Variants in SYT9 observed in about 807,000 individuals in gnomAD.
SYT9 encodes synaptotagmin 9.
Under a neutral mutation model 48.4 loss-of-function variants are expected in SYT9, and 22 were observed. That is an observed-to-expected ratio of 0.45 (90% CI 0.32 to 0.65). The LOEUF is 0.65. Among genes scored for constraint, SYT9 ranks in the 30% least tolerant of loss-of-function variants. SYT9 has a pLI of 0.03. For synonymous variants in SYT9, 265 were observed against 245.0 expected (o/e 1.08, Z -0.76); for missense variants, 577 against 622.0 (o/e 0.93, Z 0.77).
At chr11:7,410,266 G>A (rs1338149635) in intron 3 of SYT9, among the ~76,000 whole-genome samples, 1 of 152,106 alleles carries the variant, frequency 6.6e-6, no homozygotes, top group Non-Finnish European at 1.5e-5. Context: ...AACATATGCT[G>A]TATCCTGGAG....
chr11:7,384,582 G>A (rs993087299), intron 3 of SYT9, among the ~76,000 whole-genome samples: 3 of 152,166 alleles, frequency 2.0e-5, no homozygotes, highest in Admixed American at 6.6e-5. Flanking sequence ...AACAAGCCAT[G>A]TCACCTCTCA....
At chr11:7,347,698 C>T (rs146515837) in intron 3 of SYT9, among the ~76,000 whole-genome samples, 1,602 of 152,282 alleles carry the variant, frequency 0.011, 23 homozygotes, top group African/African-American at 0.036. Flanking sequence ...TGTTTCACAA[C>T]AGCCTTGGCC....
At chr11:7,349,568 C>G (rs1217832465) in intron 3 of SYT9, among the ~76,000 whole-genome samples, 1 of 152,152 alleles carries the variant, frequency 6.6e-6, no homozygotes, top group Non-Finnish European at 1.5e-5. Context: ...AGCAGAGACT[C>G]CATACAGCAA....
At chr11:7,316,401 T>C (rs1849244347) in intron 3 of SYT9, among the ~76,000 whole-genome samples, 1 of 152,188 alleles carries the variant, frequency 6.6e-6, no homozygotes. Flanking sequence ...TTTATTGCTC[T>C]TCTTTGACTA....
chr11:7,258,211 A>G (rs1848011300), intron 1 of SYT9, among the ~76,000 whole-genome samples: 1 of 152,202 alleles, frequency 6.6e-6, no homozygotes, highest in South Asian at 2.1e-4. Context: ...TTCACACTCC[A>G]AAGTGTATAG....
At chr11:7,433,250 C>T (rs990416547) in intron 6 of SYT9, among the ~76,000 whole-genome samples, 1 of 152,162 alleles carries the variant, frequency 6.6e-6, no homozygotes, top group African/African-American at 2.4e-5. Context: ...TCCTGTATAG[C>T]CTGCAGAACT....
rs1848285869 is a variant in SYT9 at position 7,270,985 on chromosome 11, A to G, written c.145+18654A>G. On this transcript the variant is annotated intron_variant, in intron 1 of 6. Coordinates refer to ENST00000318881, the MANE Select transcript of SYT9 (RefSeq NM_175733.4). ...AAGACTGCAAAGGGCTCTGCCTCTAAGAACTGTGCTTCTGCTTGGAGAGGG... is the reference window on the plus strand; with the variant it reads ...AAGACTGCAAAGGGCTCTGCCTCTAGGAACTGTGCTTCTGCTTGGAGAGGG... 2.0e-5 allele frequency among the ~76,000 whole-genome samples: 3 copies of G among 152,150 alleles called. No homozygotes were observed. In the South Asian group the frequency reaches 6.2e-4, roughly 32 times the overall value.
At chr11:7,323,334 A>G (rs941839063) in intron 3 of SYT9, among the ~76,000 whole-genome samples, 1 of 152,126 alleles carries the variant, frequency 6.6e-6, no homozygotes, top group African/African-American at 2.4e-5. Context: ...GCTATACACT[A>G]TAATTCTAAT....
intron 6 of SYT9, among the ~76,000 whole-genome samples, chr11:7,430,049 T>C (rs1047880401): frequency 3.3e-5 from 5 of 152,128 alleles, no homozygotes; most frequent in African/African-American, 1.2e-4. Flanking sequence ...TTCAATGTCT[T>C]ATGTGATGTA....
chr11:7,362,620 A>G (rs540948505), intron 3 of SYT9, among the ~76,000 whole-genome samples: 16 of 152,216 alleles, frequency 1.1e-4, no homozygotes, highest in Non-Finnish European at 2.1e-4. Flanking sequence ...AGGGTATGCC[A>G]TAGTTGCTTT....
chr11:7,289,446 A>G (rs59050506), intron 1 of SYT9, among the ~76,000 whole-genome samples: 3,177 of 152,330 alleles, frequency 0.021, 58 homozygotes, highest in East Asian at 0.092. Flanking sequence ...CCACTGAACT[A>G]TACTTTAAAA....
intron 1 of SYT9, among the ~76,000 whole-genome samples, chr11:7,298,253 C>A (rs2133929998): frequency 6.6e-6 from 1 of 152,200 alleles, no homozygotes; most frequent in African/African-American, 2.4e-5. Context: ...TGTTCCTTGA[C>A]TTTGCTTTCT....
intron 3 of SYT9, among the ~76,000 whole-genome samples, chr11:7,396,133 G>T (rs1426930911): frequency 6.6e-6 from 1 of 152,054 alleles, no homozygotes. Context: ...AAGCATATAA[G>T]TTTTGTCCCA....
At position 7,256,026 on chromosome 11, in the gene SYT9, T is replaced by G. The variant is rs893061536; in HGVS notation, c.145+3695T>G. On this transcript the variant is annotated intron_variant, in intron 1 of 6. Transcript: ENST00000318881. ...CCCATGGATCTTGATTATACTTTTTTTGGTCAAAAAGCATTAGTCTTATCT... is the reference window on the plus strand; with the variant it reads ...CCCATGGATCTTGATTATACTTTTTGTGGTCAAAAAGCATTAGTCTTATCT... Among the ~76,000 whole-genome samples the G allele has an allele frequency of 4.6e-5, 7 of 152,268 alleles. No homozygotes were observed. The South Asian group carries it at 1.2e-3, about 27-fold the overall frequency.
intron 6 of SYT9, among the ~76,000 whole-genome samples, chr11:7,463,268 G>C (rs1052302820): frequency 1.3e-5 from 2 of 152,218 alleles, no homozygotes; most frequent in African/African-American, 4.8e-5. Context: ...ACTGTCTCCG[G>C]TGTTGATGAC....
chr11:7,424,065 C>T (rs1358199341), intron 6 of SYT9, among the ~76,000 whole-genome samples: 2 of 152,118 alleles, frequency 1.3e-5, no homozygotes, highest in East Asian at 3.9e-4. Context: ...CTGGCAGAAG[C>T]TCTTCACTGC....
intron 3 of SYT9, among the ~76,000 whole-genome samples, chr11:7,341,019 G>A (rs1849703486): frequency 6.6e-6 from 1 of 152,216 alleles, no homozygotes. Context: ...ATGATGGTCT[G>A]TCCCTACCTC....
chr11:7,364,220 G>T (rs1043425404), intron 3 of SYT9, among the ~76,000 whole-genome samples: 2 of 152,168 alleles, frequency 1.3e-5, no homozygotes, highest in African/African-American at 2.4e-5. Flanking sequence ...TCCCAACATT[G>T]GAAGAAGGAT....
intron 3 of SYT9, among the ~76,000 whole-genome samples, chr11:7,393,525 TG>T (rs1846680028): frequency 6.6e-6 from 1 of 152,148 alleles, no homozygotes; most frequent in African/African-American, 2.4e-5. Context: ...TGAGGATTTT[TG>T]TTCTATGTTC....
Sources: allele counts gnomAD v4.1 joint callset (sites outside exome capture counted in the v4.1 genomes callset), GRCh38; gene constraint gnomAD v4.1.1; transcripts MANE v1.5; gene names NCBI Gene and HGNC (gene_info 2026-07-23, HGNC 2026-07-21).